The following MUC17 variants were observed in gnomAD, a reference collection of about 807,000 sequenced individuals.
MUC17 encodes mucin-17.
MUC17 carries 190 observed loss-of-function variants against 170.3 expected under a neutral mutation model. The ratio of observed to expected loss-of-function variants is 1.12; its 90% CI spans 0.99 to 1.26. The LOEUF is 1.26. Among genes scored for constraint, MUC17 ranks in the 50% most tolerant of loss-of-function variants. The pLI is 0.00. For synonymous variants in MUC17, 2,325 were observed against 2,002.5 expected (o/e 1.16, Z -4.30); for missense variants, 6,415 against 5,530.0 (o/e 1.16, Z -5.08).
At chr7:101,047,635 G>T (rs917728734) in intron 3 of MUC17, among the ~76,000 whole-genome samples, 11 of 152,112 alleles carry the variant, frequency 7.2e-5, no homozygotes, top group African/African-American at 2.7e-4. Flanking sequence ...TTTGAGACCA[G>T]CCTGGCCAAA....
At chr7:101,057,964 AT>A (rs1444563413) in intron 12 of MUC17, 38 bp from the exon 13 acceptor site, 2 of 1,602,364 alleles carry the variant, frequency 1.2e-6, no homozygotes, top group African/African-American at 1.3e-5. Flanking sequence ...CAAATTCCTC[AT>A]GGGCTGAGCC....
rs768800921 is a variant in MUC17, at chr7:101,033,672, G to T, written c.2256G>T (p.Met752Ile). The T allele has an allele frequency of 1.2e-5, 20 of 1,613,144 alleles. No individual in the cohort carries two copies. The African/African-American group carries it at 1.7e-4, about 14-fold the overall frequency. The change falls in exon 3 of 13, where the codon ATG (methionine) becomes ATT (isoleucine). Residue 752 changes from methionine (M) to isoleucine (I), a missense_variant. Transcript: ENST00000306151. ...PSEGSTPLTS[M>I]PVSKTLLTSS... ...AAGGAAGCACTCCATTAACAAGTAT[G>T]CCTGTCAGCAAAACGCTGTTGACCA...
intron 4 of MUC17, 181 bp downstream of exon 4, chr7:101,048,296 C>T: frequency 1.9e-6 from 1 of 516,580 alleles, no homozygotes; most frequent in Non-Finnish European, 3.0e-6. Context: ...TAAAGCATTA[C>T]AAAATGAATA....
chr7:101,028,339 T>G (rs748450300), intron 1 of MUC17, among the ~76,000 whole-genome samples: 25 of 152,044 alleles, frequency 1.6e-4, no homozygotes, highest in Non-Finnish European at 2.2e-4. Context: ...TCTGCCCGCC[T>G]CGGCCTCTCA....
chr7:101,035,564 G>T lies in MUC17; in HGVS notation c.4148G>T (p.Gly1383Val). The stretch of plus-strand genomic sequence containing the variant: ...TGTTCATCTCCTACAACTTCTGAAG[G>T]TACCAGCATGCCAAACTCAAATCCT... Reference protein sequence around the residue: ...EACSSPTTSEGTSMPNSNPSE... With the variant: ...EACSSPTTSEVTSMPNSNPSE... The change falls in exon 3 of 13, where the codon GGT becomes GTT. Residue 1383 changes from glycine to valine, a missense_variant. Transcript: ENST00000306151. The T allele has an allele frequency of 6.2e-7, 1 of 1,602,056 alleles. No homozygotes were observed. The highest frequency in any genetic ancestry group is 1.1e-5 in the South Asian group (1 of 90,252).
intron 4 of MUC17, 22 bp from the exon 5 acceptor site, chr7:101,048,823 T>G: frequency 1.2e-6 from 2 of 1,613,496 alleles, no homozygotes; most frequent in Non-Finnish European, 1.7e-6. Context: ...GATGCTTTGC[T>G]CAGTAAGTCT....
chr7:101,044,101 T>C (rs569130245), intron 3 of MUC17, among the ~76,000 whole-genome samples: 1 of 152,352 alleles, frequency 6.6e-6, no homozygotes, highest in South Asian at 2.1e-4. Context: ...TTTGGTTTTC[T>C]GTCCTTGTGA....
rs138884548 is a variant in MUC17, at chr7:101,034,899, G to A, written c.3483G>A (p.Pro1161=). The A allele has an allele frequency of 3.7e-5, 60 of 1,607,614 alleles. No individual in the cohort carries two copies. Among genetic ancestry groups the A allele is most frequent in the African/African-American group, 3.4e-4 (25 of 73,316 alleles). Residue 1161 remains proline, a synonymous_variant, in exon 3 of 13, where the codon CCG becomes CCA. Transcript: ENST00000306151. ...CACCTCCCAGTGAAGGAACCACTCC[G>A]TTAGCAAGTATGCCTGTCAGCACCA... is the stretch of plus-strand genomic sequence containing the variant. ...PTSPPSEGTT[P]LASMPVSTTL... is the part of the protein sequence containing the mutation.
Position 101,042,168 on chromosome 7 carries a change from C to A in MUC17, c.10752C>A (p.Ser3584Arg), listed in dbSNP as rs765341991. Residue 3584 changes from serine (S) to arginine (R), a missense_variant, in exon 3 of 13, where the codon AGC (serine) becomes AGA (arginine). Physicochemically the swap from Ser to Arg is moderately radical, Grantham distance 110. Coordinates refer to ENST00000306151, the MANE Select transcript of MUC17 (RefSeq NM_001040105.2). The part of the protein sequence containing the change: ...GSSSLTTMLL[S>R]STYVTSSEAS... ...CTTCATTAACAACTATGCTCCTCAG[C>A]AGCACATATGTGACCAGTTCTGAGG... 6 of 1,614,058 alleles carry A rather than the reference C, an allele frequency of 3.7e-6. No individual in the cohort carries two copies. Among genetic ancestry groups the A allele is most frequent in the South Asian group, 3.3e-5 (3 of 91,074 alleles).
chr7:101,048,112 A>G lies in MUC17; in HGVS notation c.12532A>G (p.Ile4178Val). The G allele has an allele frequency of 1.3e-6, 2 of 1,592,798 alleles. No individual in the cohort carries two copies. The highest frequency in any genetic ancestry group is 1.7e-6 in the Non-Finnish European group (2 of 1,170,640). Residue 4178 changes from isoleucine to valine, a missense_variant, in exon 4 of 13, where the codon ATA becomes GTA. By Grantham distance (29) the Ile-to-Val change is conservative. Transcript: ENST00000306151. Reference sequence around the variant, plus strand: ...TGAGGAGGTGGTCAGCAGCATTGACATAGGTGAGTGCAACCCCAGGCCTTC... The same window carrying G: ...TGAGGAGGTGGTCAGCAGCATTGACGTAGGTGAGTGCAACCCCAGGCCTTC... ...LCEEVVSSIDIGPPETISAQM... is the reference protein window; with the variant it reads ...LCEEVVSSIDVGPPETISAQM...
rs865842875 is a variant in MUC17 at position 101,043,178 on chromosome 7, C to T, written c.11762C>T (p.Ala3921Val). The change falls in exon 3 of 13, where the codon GCC becomes GTC. Residue 3921 changes from alanine to valine, a missense_variant. Coordinates refer to ENST00000306151, the MANE Select transcript of MUC17 (RefSeq NM_001040105.2). ...GCCTCAACTCCCACAATTCCTGTAG[C>T]CACCACCATATCTGTATCAGTGATC... ...DTASTPTIPVATTISVSVITE... is the reference protein window; with the variant it reads ...DTASTPTIPVVTTISVSVITE... 5.0e-6 allele frequency: 8 copies of T among 1,614,132 alleles called. No individual in the cohort carries two copies. Among genetic ancestry groups the T allele is most frequent in the Non-Finnish European group, 6.8e-6 (8 of 1,180,014 alleles).
intron 1 of MUC17, among the ~76,000 whole-genome samples, chr7:101,030,155 C>T (rs1794251594): frequency 6.6e-6 from 1 of 151,660 alleles, no homozygotes; most frequent in African/African-American, 2.4e-5. Flanking sequence ...ACAATCTTAG[C>T]AATGTTCTAA....
chr7:101,040,583 C>T lies in MUC17; in HGVS notation c.9167C>T (p.Thr3056Met), dbSNP rs77120544. 0.016 allele frequency: 26,316 copies of T among 1,609,176 alleles called. 1,936 individuals carry two copies. Among genetic ancestry groups the T allele is most frequent in the East Asian group, 0.16 (7,293 of 44,632 alleles). The change falls in exon 3 of 13, where the codon ACG becomes ATG. Residue 3056 changes from threonine to methionine, a missense_variant. Physicochemically the swap from Thr to Met is moderately conservative, Grantham distance 81. Coordinates refer to ENST00000306151, the MANE Select transcript of MUC17 (RefSeq NM_001040105.2). ...TTAACAAGTATACCTGTCAGCACCA[C>T]GCCAGTGGCCATTCCTGAGGCTAGC... ...TPLTSIPVST[T>M]PVAIPEASTL...
At chr7:101,049,008 G>C (rs1794889787) in intron 5 of MUC17, 36 bp downstream of exon 5, 1 of 1,613,614 alleles carries the variant, frequency 6.2e-7, no homozygotes, top group Non-Finnish European at 8.5e-7. Flanking sequence ...TAGCTACTCA[G>C]TTCCCCCCAG....
rs561822323 is a variant in MUC17, at chr7:101,031,599, A to T, written c.185-2A>T. The T allele has an allele frequency of 6.0e-5, 92 of 1,524,862 alleles. No individual in the cohort carries two copies. In the South Asian group the frequency reaches 1.1e-3, roughly 18 times the overall value. The allele number at this position is 1,524,862 out of a possible 1,614,324, so 94.5% of individuals were successfully genotyped here. ...AACAAAATATCATTGTATCTTAAAC[A>T]GGTTCTGCGGCAAACACCGCCACAG... On this transcript the variant is annotated splice_acceptor_variant, in intron 2 of 12. Transcript: ENST00000306151. LOFTEE classifies it high-confidence loss of function.
Position 101,036,545 on chromosome 7 carries a change from T to G in MUC17, c.5129T>G (p.Leu1710Arg). ...GTGGCCAGCTCTGCAATCAGCACCCTTTCAACAACTCCCGTTGACAACAGC... is the reference window on the plus strand; with the variant it reads ...GTGGCCAGCTCTGCAATCAGCACCCGTTCAACAACTCCCGTTGACAACAGC... Reference protein sequence around the residue: ...TPVASSAISTLSTTPVDNSTP... With the variant: ...TPVASSAISTRSTTPVDNSTP... Residue 1710 changes from leucine to arginine, a missense_variant, in exon 3 of 13, where the codon CTT (leucine) becomes CGT (arginine). By Grantham distance (102) the Leu-to-Arg change is moderately radical (BLOSUM62 -2). Transcript: ENST00000306151. 1 of 1,611,350 alleles carries G rather than the reference T, an allele frequency of 6.2e-7. No individual in the cohort carries two copies. The highest frequency in any genetic ancestry group is 8.5e-7 in the Non-Finnish European group (1 of 1,178,456).
At chr7:101,051,509 C>A (rs908278563) in intron 7 of MUC17, 104 bp from the exon 8 acceptor site, 1 of 1,111,250 alleles carries the variant, frequency 9.0e-7, no homozygotes, top group South Asian at 1.4e-5. Flanking sequence ...TTCCCACCTC[C>A]CCATCGCAGC....
chr7:101,044,685 C>A (rs1270583277), intron 3 of MUC17, among the ~76,000 whole-genome samples: 3 of 152,140 alleles, frequency 2.0e-5, no homozygotes, highest in Non-Finnish European at 4.4e-5. Context: ...ACTTTGTATG[C>A]CATGATGTTA....
At position 101,020,105 on chromosome 7, in the gene MUC17, G is replaced by A; in HGVS notation, c.-31G>A. 1 of 1,558,848 alleles carries A rather than the reference G, an allele frequency of 6.4e-7. No homozygotes were observed. The highest frequency in any genetic ancestry group is 8.7e-7 in the Non-Finnish European group (1 of 1,149,982). On this transcript the variant is annotated 5_prime_UTR_variant, in exon 1 of 13. Coordinates refer to ENST00000306151, the MANE Select transcript of MUC17 (RefSeq NM_001040105.2). ...TCATTTCGCCAGCTCCTCTGGGGGT[G>A]ACAGGCAAGTGAGACGTGCTCAGAG...
Sources: allele counts gnomAD v4.1 joint callset (sites outside exome capture counted in the v4.1 genomes callset), GRCh38; gene constraint gnomAD v4.1.1; transcripts MANE v1.5; gene names NCBI Gene and HGNC (gene_info 2026-07-23, HGNC 2026-07-21).